Variants in PLEKHH2 observed in about 807,000 individuals in gnomAD.
PLEKHH2 encodes the protein pleckstrin homology, MyTH4 and FERM domain containing H2.
PLEKHH2 carries 129 observed loss-of-function variants against 187.9 expected under a neutral mutation model. The ratio of observed to expected loss-of-function variants is 0.69; its 90% CI spans 0.59 to 0.79. The LOEUF is 0.79. Among genes scored for constraint, PLEKHH2 ranks in the 30% least tolerant of loss-of-function variants. PLEKHH2 has a pLI of 0.00. For synonymous variants in PLEKHH2, 686 were observed against 605.6 expected (o/e 1.13, Z -1.95); for missense variants, 2,076 against 1,751.2 (o/e 1.19, Z -3.31).
intron 23 of PLEKHH2, among the ~76,000 whole-genome samples, chr2:43,744,368 AT>A (rs1671690437): frequency 6.6e-6 from 1 of 152,192 alleles, no homozygotes; most frequent in African/African-American, 2.4e-5. Context: ...TCTGTGGGGA[AT>A]ACAAAAGGAC....
Position 43,681,088 on chromosome 2 carries a change from G to A in PLEKHH2, c.186+2163G>A, listed in dbSNP as rs2104433620. 4.5e-6 allele frequency: 5 copies of A among 1,114,276 alleles called. No homozygotes were observed. In the South Asian group the frequency reaches 7.0e-5, roughly 16 times the overall value. The allele number at this position is 1,114,276 out of a possible 1,614,324, so 69.0% of individuals were successfully genotyped here. A position where few individuals can be genotyped will look rare whatever the true frequency, so the allele number is the denominator to read the frequency against. On this transcript the variant is annotated intron_variant, in intron 3 of 29. Coordinates refer to ENST00000282406, the MANE Select transcript of PLEKHH2 (RefSeq NM_172069.4). The stretch of plus-strand genomic sequence containing the variant: ...CAATCTACTGTTCCACTATTTGAAT[G>A]CCAACCAACTCCAGAATTACTATGG...
At chr2:43,675,372 G>C (rs755862) in intron 2 of PLEKHH2, 1,075,647 of 1,563,192 alleles carry the variant, frequency 0.69, 377,429 homozygotes, top group Middle Eastern at 0.73. Context: ...TATTCTCCAG[G>C]CCTCAGTCAT....
chr2:43,712,896 G>A (rs1242083974), intron 15 of PLEKHH2, among the ~76,000 whole-genome samples: 2 of 151,994 alleles, frequency 1.3e-5, no homozygotes, highest in African/African-American at 4.8e-5. Context: ...TTAAAATCTG[G>A]TGAAAAGTAA....
chr2:43,709,681 CA>C (rs1669848985), intron 11 of PLEKHH2, among the ~76,000 whole-genome samples: 2 of 152,078 alleles, frequency 1.3e-5, no homozygotes, highest in Non-Finnish European at 2.9e-5. Flanking sequence ...ACTAAAGATA[CA>C]AAAATTAGCT....
chr2:43,660,275 T>C (rs992614056), intron 2 of PLEKHH2, among the ~76,000 whole-genome samples: 2 of 152,162 alleles, frequency 1.3e-5, no homozygotes, highest in Non-Finnish European at 2.9e-5. Context: ...TGTTTATCCA[T>C]TCACTAGTTG....
At chr2:43,724,718 T>A (rs1670654352) in intron 16 of PLEKHH2, among the ~76,000 whole-genome samples, 1 of 152,184 alleles carries the variant, frequency 6.6e-6, no homozygotes, top group Non-Finnish European at 1.5e-5. Context: ...AGGAACAATA[T>A]TTTTCTTTTC....
intron 24 of PLEKHH2, among the ~76,000 whole-genome samples, chr2:43,746,927 A>G (rs1299058476): frequency 1.3e-5 from 2 of 151,356 alleles, no homozygotes; most frequent in African/African-American, 4.9e-5. Flanking sequence ...CCAAGATCGC[A>G]CCACTGCACT....
intron 21 of PLEKHH2, 98 bp from the exon 22 acceptor site, chr2:43,742,643 C>A: frequency 1.1e-6 from 1 of 894,538 alleles, no homozygotes; most frequent in Non-Finnish European, 1.6e-6. Flanking sequence ...TAGCCTAATA[C>A]ATTGTGATAA....
At position 43,765,489 on chromosome 2, in the gene PLEKHH2, C is replaced by G. The variant is rs753801729; in HGVS notation, c.4373C>G (p.Ser1458Cys). 65 of 1,613,998 alleles carry G rather than the reference C, an allele frequency of 4.0e-5. No homozygotes were observed. The highest frequency in any genetic ancestry group is 5.3e-5 in the Non-Finnish European group (62 of 1,180,008). The part of the protein sequence containing the change: ...HQQKAAFHHL[S>C]APALLSAQTR... ...CAAAAGGCAGCATTTCACCACCTCT[C>G]TGCTCCAGCACTGCTCTCAGCCCAG... is the stretch of plus-strand genomic sequence containing the variant. The change falls in exon 30 of 30, where the codon TCT (serine) becomes TGT (cysteine). Residue 1458 changes from serine (S) to cysteine (C), a missense_variant. By Grantham distance (112) the Ser-to-Cys change is moderately radical. Transcript: ENST00000282406.
chr2:43,713,904 G>A (rs960411116), intron 15 of PLEKHH2, among the ~76,000 whole-genome samples: 1 of 152,032 alleles, frequency 6.6e-6, no homozygotes, highest in Non-Finnish European at 1.5e-5. Flanking sequence ...TATTTAAAAA[G>A]ACTGACCAAC....
At position 43,699,667 on chromosome 2, in the gene PLEKHH2, T is replaced by C. The variant is rs765709111; in HGVS notation, c.709T>C (p.Ser237Pro). ...TCTAGAAATGGAAATTCCAGAAAAG[T>C]CTGTTGATAACCAAGTTCTAGAAAA... Reference protein sequence around the residue: ...DMEEMEIPEKSVDNQVLENNR... With the variant: ...DMEEMEIPEKPVDNQVLENNR... The change falls in exon 8 of 30, where the codon TCT (serine) becomes CCT (proline). Residue 237 changes from serine to proline, a missense_variant. Physicochemically the swap from Ser to Pro is moderately conservative, Grantham distance 74. Coordinates refer to ENST00000282406, the MANE Select transcript of PLEKHH2 (RefSeq NM_172069.4). The C allele has an allele frequency of 1.2e-6, 2 of 1,612,110 alleles. No homozygotes were observed. The highest frequency in any genetic ancestry group is 2.2e-5 in the East Asian group (1 of 44,866).
chr2:43,763,017 A>T (rs567321610), intron 28 of PLEKHH2, among the ~76,000 whole-genome samples: 2 of 152,316 alleles, frequency 1.3e-5, no homozygotes, highest in East Asian at 3.9e-4. Flanking sequence ...TCAGAAGATC[A>T]CTGAAAATTT....
At chr2:43,710,689 G>T (rs1183732765) in intron 14 of PLEKHH2, 114 bp downstream of exon 14, 2 of 1,462,596 alleles carry the variant, frequency 1.4e-6, no homozygotes. Flanking sequence ...TATTCACTTT[G>T]GGGGGTTAGT....
At position 43,694,436 on chromosome 2, in the gene PLEKHH2, A is replaced by C. The variant is rs1471591342; in HGVS notation, c.342A>C (p.Gln114His). Residue 114 changes from glutamine (Q) to histidine (H), a missense_variant, in exon 5 of 30, where the codon CAA becomes CAC. Physicochemically the swap from Gln to His is conservative, Grantham distance 24. Transcript: ENST00000282406. ...NLELQLEEQK[Q>H]IRIQEAKIIE... is the part of the protein sequence containing the mutation. The stretch of plus-strand genomic sequence containing the variant: ...AATTGCTATTGTTATTTCAGAAACA[A>C]ATAAGAATACAAGAAGCTAAAATAA... 1 of 1,554,912 alleles carries C rather than the reference A, an allele frequency of 6.4e-7. No homozygotes were observed. The highest frequency in any genetic ancestry group is 1.4e-5 in the African/African-American group (1 of 72,878).
At chr2:43,703,613 G>T (rs947110230) in intron 8 of PLEKHH2, among the ~76,000 whole-genome samples, 2 of 152,140 alleles carry the variant, frequency 1.3e-5, no homozygotes, top group African/African-American at 4.8e-5. Context: ...GCCACTCATG[G>T]TTTTTCTCCC....
At chr2:43,687,945 T>A (rs771560852) in intron 3 of PLEKHH2, among the ~76,000 whole-genome samples, 1 of 152,140 alleles carries the variant, frequency 6.6e-6, no homozygotes, top group Non-Finnish European at 1.5e-5. Context: ...CACAGGCATA[T>A]GCCACTATAC....
chr2:43,690,096 C>G (rs571228949), intron 3 of PLEKHH2, among the ~76,000 whole-genome samples: 1 of 152,288 alleles, frequency 6.6e-6, no homozygotes, highest in South Asian at 2.1e-4. Flanking sequence ...GGGCTCTGCT[C>G]CTCGTTCCCT....
chr2:43,729,851 A>G (rs1009008677), intron 18 of PLEKHH2, 106 bp downstream of exon 18: 1 of 640,756 alleles, frequency 1.6e-6, no homozygotes, highest in Non-Finnish European at 2.5e-6. Flanking sequence ...TCCCTGAAAT[A>G]TACCCACCTT....
At position 43,726,334 on chromosome 2, in the gene PLEKHH2, T is replaced by G. The variant is rs368437892; in HGVS notation, c.2604T>G (p.Asp868Glu). ...TGGAAGAGGTTGACAGATCTTGTGATTCAGATGAAGATTATGAAGCCAGTG... is the reference window on the plus strand; with the variant it reads ...TGGAAGAGGTTGACAGATCTTGTGAGTCAGATGAAGATTATGAAGCCAGTG... The part of the protein sequence containing the change: ...AKVEEVDRSC[D>E]SDEDYEASGR... Residue 868 changes from aspartate to glutamate, a missense_variant, in exon 17 of 30, where the codon GAT (aspartate) becomes GAG (glutamate). Asp to Glu is a conservative substitution (Grantham distance 45). Transcript: ENST00000282406. The G allele has an allele frequency of 1.2e-6, 2 of 1,612,216 alleles. No homozygotes were observed. Among genetic ancestry groups the G allele is most frequent in the Admixed American group, 3.3e-5 (2 of 60,012 alleles).
Sources: allele counts gnomAD v4.1 joint callset (sites outside exome capture counted in the v4.1 genomes callset), GRCh38; gene constraint gnomAD v4.1.1; transcripts MANE v1.5; gene names NCBI Gene and HGNC (gene_info 2026-07-23, HGNC 2026-07-21).